ZFHX3: variants seen among roughly 807,000 people sequenced by gnomAD.
The protein encoded by ZFHX3 is zinc finger homeobox protein 3.
ZFHX3 carries 42 observed loss-of-function variants against 279.1 expected under a neutral mutation model. That is an observed-to-expected ratio of 0.15 (90% CI 0.12 to 0.19). ZFHX3 has a LOEUF of 0.19. Ranked by LOEUF, ZFHX3 falls within the 10% of genes least tolerant of loss-of-function variation. ZFHX3 has a pLI of 1.00. For missense variants in ZFHX3, 4,981 were observed against 4,754.0 expected (o/e 1.05, Z -1.40); for synonymous variants, 2,293 against 1,957.8 (o/e 1.17, Z -4.52).
At chr16:73,348,326 G>A (rs552772312) in intron 3 of ZFHX3, among the ~76,000 whole-genome samples, 13 of 152,286 alleles carry the variant, frequency 8.5e-5, no homozygotes, top group Admixed American at 2.6e-4. Context: ...GAGCAGCTCC[G>A]TTAAGTCTCC....
At chr16:73,506,231 T>A (rs1444278602) in intron 2 of ZFHX3, among the ~76,000 whole-genome samples, 6 of 152,228 alleles carry the variant, frequency 3.9e-5, no homozygotes, top group Non-Finnish European at 8.8e-5. Flanking sequence ...CAAGTTTATC[T>A]ATCTTTCCAG....
At chr16:73,039,342 C>A (rs1357209093) in intron 1 of ZFHX3, among the ~76,000 whole-genome samples, 1 of 152,156 alleles carries the variant, frequency 6.6e-6, no homozygotes, top group Non-Finnish European at 1.5e-5. Flanking sequence ...ATCACATACG[C>A]AGAGGCTGCT....
rs2035414093 is a variant in ZFHX3, at chr16:72,787,049, T to G, written c.*115A>C. ...CTTTTTCTTTTTTTTCTTTTTTTTT[T>G]TTTTTTTGTTTTTTGGTTAGAAGCT... is the stretch of plus-strand genomic sequence containing the variant. On this transcript the variant is annotated 3_prime_UTR_variant, in exon 10 of 10. Transcript: ENST00000268489. The G allele has an allele frequency of 3.9e-6, 4 of 1,018,080 alleles. No homozygotes were observed. The highest frequency in any genetic ancestry group is 4.5e-5 in the Admixed American group (1 of 22,070). The allele number at this position is 1,018,080 out of a possible 1,614,324, so 63.1% of individuals were successfully genotyped here.
At chr16:73,531,742 A>G (rs1171324545) in intron 2 of ZFHX3, among the ~76,000 whole-genome samples, 1 of 143,204 alleles carries the variant, frequency 7.0e-6, no homozygotes, top group Non-Finnish European at 1.5e-5. Flanking sequence ...AAAAAAGAAT[A>G]TTTCCTTTGA....
intron 2 of ZFHX3, among the ~76,000 whole-genome samples, chr16:73,639,470 A>G (rs2052555402): frequency 6.6e-6 from 1 of 152,186 alleles, no homozygotes; most frequent in Non-Finnish European, 1.5e-5. Context: ...CTTTATTAAC[A>G]TGCTCTTGAG....
intron 2 of ZFHX3, among the ~76,000 whole-genome samples, chr16:73,572,572 C>T (rs1005474046): frequency 6.6e-6 from 1 of 152,168 alleles, no homozygotes; most frequent in Non-Finnish European, 1.5e-5. Context: ...GTTGCTTGGT[C>T]CACAGAACAA....
At chr16:73,491,528 C>T (rs825840) in intron 2 of ZFHX3, among the ~76,000 whole-genome samples, 5 of 152,014 alleles carry the variant, frequency 3.3e-5, no homozygotes, top group African/African-American at 7.2e-5. Context: ...TTCAGAAATC[C>T]GTGGCATCCT....
At chr16:73,859,833 C>T (rs1428494482) in intron 1 of ZFHX3, among the ~76,000 whole-genome samples, 2 of 152,146 alleles carry the variant, frequency 1.3e-5, no homozygotes, top group Non-Finnish European at 2.9e-5. Context: ...GGGTTCAGAG[C>T]CTTTTTACAA....
intron 5 of ZFHX3, among the ~76,000 whole-genome samples, chr16:72,815,113 T>C (rs988989246): frequency 3.3e-5 from 5 of 152,178 alleles, no homozygotes; most frequent in African/African-American, 1.2e-4. Context: ...GGGCAAACAG[T>C]TGTGCAAGTT....
At chr16:73,666,229 G>A (rs1004738904) in intron 2 of ZFHX3, among the ~76,000 whole-genome samples, 5 of 151,880 alleles carry the variant, frequency 3.3e-5, no homozygotes, top group African/African-American at 1.2e-4. Context: ...AAATCTCCAT[G>A]TCCTATAAAG....
Position 72,796,616 on chromosome 16 carries a change from G to A in ZFHX3, c.6066C>T (p.Tyr2022=), listed in dbSNP as rs141512955. 9 of 1,613,918 alleles carry A rather than the reference G, an allele frequency of 5.6e-6. No individual in the cohort carries two copies. The African/African-American group carries it at 9.4e-5, about 17-fold the overall frequency. Residue 2022 remains tyrosine, a synonymous_variant, in exon 9 of 10, where the codon TAC becomes TAT. Transcript: ENST00000268489. The stretch of plus-strand genomic sequence containing the variant: ...GGTACAGTTTATCGTAGTGGTCTCT[G>A]TACTGTTTGGCAAACCTCTCGAGCT... The part of the protein sequence containing the change: ...FKQLERFAKQ[Y]RDHYDKLYPL...
chr16:72,943,335 A>C (rs1333501180), intron 3 of ZFHX3, among the ~76,000 whole-genome samples: 1 of 152,172 alleles, frequency 6.6e-6, no homozygotes, highest in Non-Finnish European at 1.5e-5. Flanking sequence ...GGAGTTTGAG[A>C]CCAGCCTGGC....
rs185008597 is a variant in ZFHX3 at position 73,273,458 on chromosome 16, G to A, written c.-1193-16322C>T. ...TAGGCCAGCTCCATGTATCTGTTCA[G>A]ATGTATTTTCCATGCATATACCATC... is the stretch of plus-strand genomic sequence containing the variant. On this transcript the variant is annotated intron_variant, in intron 4 of 17. Transcript: ENST00000641206. Among the ~76,000 whole-genome samples, 529 of 152,242 alleles carry A rather than the reference G, an allele frequency of 3.5e-3. 2 individuals carry two copies. Among genetic ancestry groups the A allele is most frequent in the Non-Finnish European group, 6.1e-3 (413 of 68,016 alleles).
At chr16:73,185,809 C>A (rs577046884) in intron 5 of ZFHX3, among the ~76,000 whole-genome samples, 13 of 152,242 alleles carry the variant, frequency 8.5e-5, no homozygotes, top group African/African-American at 3.1e-4. Context: ...GGTCCCCAAT[C>A]CCCGGGCCAC....
intron 1 of ZFHX3, among the ~76,000 whole-genome samples, chr16:73,042,188 CT>C (rs1338721498): frequency 2.0e-5 from 3 of 152,106 alleles, no homozygotes; most frequent in Non-Finnish European, 4.4e-5. Flanking sequence ...ACTTATATGA[CT>C]TTTTCAGGGG....
At chr16:73,286,858 G>A (rs1186010203) in intron 4 of ZFHX3, among the ~76,000 whole-genome samples, 1 of 148,042 alleles carries the variant, frequency 6.8e-6, no homozygotes, top group Admixed American at 6.7e-5. Flanking sequence ...GTGTGGGTGT[G>A]TGGTTGTGTG....
At chr16:73,450,195 C>G (rs9940269) in intron 3 of ZFHX3, among the ~76,000 whole-genome samples, 1 of 151,972 alleles carries the variant, frequency 6.6e-6, no homozygotes, top group South Asian at 2.1e-4. Context: ...TCCTATCAAA[C>G]TTCAGGTAAA....
intron 1 of ZFHX3, among the ~76,000 whole-genome samples, chr16:73,851,383 T>C (rs1218343796): frequency 6.6e-6 from 1 of 152,220 alleles, no homozygotes; most frequent in East Asian, 1.9e-4. Context: ...GTTATCTTTG[T>C]TGAGACGATT....
At chr16:73,445,627 G>GA (rs1005634892) in intron 3 of ZFHX3, among the ~76,000 whole-genome samples, 1 of 152,018 alleles carries the variant, frequency 6.6e-6, no homozygotes, top group South Asian at 2.1e-4. Flanking sequence ...CAGCATAGGG[G>GA]AAAAAATGGT....
Sources: allele counts gnomAD v4.1 joint callset (sites outside exome capture counted in the v4.1 genomes callset), GRCh38; gene constraint gnomAD v4.1.1; transcripts MANE v1.5; gene names NCBI Gene and HGNC (gene_info 2026-07-23, HGNC 2026-07-21).